The following CAMTA1 variants were observed in gnomAD, a reference collection of about 807,000 sequenced individuals.
CAMTA1 encodes the protein calmodulin-binding transcription activator 1.
CAMTA1 carries 27 observed loss-of-function variants against 170.9 expected under a neutral mutation model. The ratio of observed to expected loss-of-function variants is 0.16; its 90% CI spans 0.12 to 0.22. The LOEUF (loss-of-function observed/expected upper bound fraction) is 0.22, where lower values mean the gene tolerates loss of function less well. Among genes scored for constraint, CAMTA1 ranks in the 10% least tolerant of loss-of-function variants. CAMTA1 has a pLI of 1.00. For synonymous variants in CAMTA1, 833 were observed against 891.5 expected (o/e 0.93, Z 1.17); for missense variants, 1,619 against 2,217.2 (o/e 0.73, Z 5.42).
chr1:7,613,527 C>T (rs2095537682), intron 6 of CAMTA1, among the ~76,000 whole-genome samples: 1 of 152,156 alleles, frequency 6.6e-6, no homozygotes, highest in African/African-American at 2.4e-5. Flanking sequence ...AACCAGCCCC[C>T]TCCAGGACCT....
chr1:6,939,815 T>A (rs1686115795), intron 3 of CAMTA1, among the ~76,000 whole-genome samples: 1 of 152,268 alleles, frequency 6.6e-6, no homozygotes, highest in African/African-American at 2.4e-5. Flanking sequence ...GGCTTCTGCC[T>A]AGCATCTGTC....
intron 5 of CAMTA1, among the ~76,000 whole-genome samples, chr1:7,314,168 T>A (rs886453776): frequency 1.3e-5 from 2 of 152,362 alleles, no homozygotes; most frequent in Middle Eastern, 3.4e-3. Context: ...GGTCACTTGG[T>A]GCTGTTCTTC....
rs2096780544 is a variant in CAMTA1, at chr1:7,737,437, A to G, written c.3525A>G (p.Gly1175=). The G allele has an allele frequency of 6.2e-7, 1 of 1,614,036 alleles. No individual in the cohort carries two copies. The highest frequency in any genetic ancestry group is 1.3e-5 in the African/African-American group (1 of 74,924). Residue 1175 remains glycine (G), a synonymous_variant, in exon 15 of 23, where the codon GGA becomes GGG. Transcript: ENST00000303635. ...AGAGAGATGAGCAGGCTCAGCTGGG[A>G]CAGAACCCCAGAATCCACTGTCCTG... The part of the protein sequence containing the change: ...HLQRDEQAQL[G]QNPRIHCPAS...
chr1:7,676,755 T>A (rs2096124889), intron 10 of CAMTA1, among the ~76,000 whole-genome samples: 1 of 152,132 alleles, frequency 6.6e-6, no homozygotes, highest in Admixed American at 6.5e-5. Flanking sequence ...CACCCACCAT[T>A]GCCCACGGGC....
chr1:7,423,125 C>A (rs1183994190), intron 5 of CAMTA1, among the ~76,000 whole-genome samples: 1 of 152,236 alleles, frequency 6.6e-6, no homozygotes, highest in Non-Finnish European at 1.5e-5. Context: ...GCAGCCCTCA[C>A]AGCCCCAGGT....
chr1:7,391,254 C>T (rs2088678063), intron 5 of CAMTA1, among the ~76,000 whole-genome samples: 1 of 152,120 alleles, frequency 6.6e-6, no homozygotes, highest in Admixed American at 6.5e-5. Context: ...ACCTCGGCCT[C>T]CCAAAGTGCT....
At chr1:6,909,390 G>C (rs1679239493) in intron 3 of CAMTA1, among the ~76,000 whole-genome samples, 1 of 152,218 alleles carries the variant, frequency 6.6e-6, no homozygotes, top group Non-Finnish European at 1.5e-5. Context: ...ACAAAGAAGT[G>C]CTTCTGGCAT....
intron 3 of CAMTA1, among the ~76,000 whole-genome samples, chr1:6,855,139 T>C (rs1321795862): frequency 1.3e-5 from 2 of 152,128 alleles, no homozygotes; most frequent in Non-Finnish European, 1.5e-5. Context: ...AATAATAAGC[T>C]AGGTTGCAAG....
intron 5 of CAMTA1, among the ~76,000 whole-genome samples, chr1:7,275,861 A>G (rs1670514776): frequency 6.6e-6 from 1 of 152,132 alleles, no homozygotes; most frequent in Non-Finnish European, 1.5e-5. Flanking sequence ...ATTTTCAGAA[A>G]ATATAGGATG....
intron 1 of CAMTA1, among the ~76,000 whole-genome samples, chr1:6,795,683 G>A (rs938993871): frequency 4.6e-5 from 7 of 151,710 alleles, no homozygotes; most frequent in Non-Finnish European, 1.0e-4. Flanking sequence ...TTTCCTTTAC[G>A]AAATGACTTT....
Position 7,304,597 on chromosome 1 carries a change from C to CT in CAMTA1, c.438+54985dup, listed in dbSNP as rs71582093. ...TTATCAAAACATTGTGTTATCAAAG[C>CT]TTTTTTTTTTTTTTAGGTCTGACAT... On this transcript the variant is annotated intron_variant, in intron 5 of 22. Coordinates refer to ENST00000303635, the MANE Select transcript of CAMTA1 (RefSeq NM_015215.4). 2.3e-3 allele frequency among the ~76,000 whole-genome samples: 328 copies of CT among 141,938 alleles called. 1 individual carries two copies. Among genetic ancestry groups the CT allele is most frequent in the East Asian group, 0.016 (80 of 4,978 alleles). 93.1% of individuals were successfully genotyped at this position (141,938 alleles called of 152,430 possible). A position where few individuals can be genotyped will look rare whatever the true frequency, so the allele number is the denominator to read the frequency against.
At chr1:7,153,762 C>G (rs1229565761) in intron 4 of CAMTA1, among the ~76,000 whole-genome samples, 1 of 152,196 alleles carries the variant, frequency 6.6e-6, no homozygotes, top group Non-Finnish European at 1.5e-5. Flanking sequence ...TCTTGACCCT[C>G]TTTGTCTTTC....
intron 12 of CAMTA1, among the ~76,000 whole-genome samples, chr1:7,734,144 C>T (rs538178238): frequency 2.6e-5 from 4 of 152,030 alleles, no homozygotes; most frequent in Admixed American, 2.6e-4. Flanking sequence ...ACGGGGTTTC[C>T]CCACCTTGGT....
intron 3 of CAMTA1, among the ~76,000 whole-genome samples, chr1:7,001,240 A>G (rs1474903884): frequency 6.6e-6 from 1 of 152,184 alleles, no homozygotes; most frequent in East Asian, 1.9e-4. Context: ...AAACTCCAGG[A>G]GGATAGGAGT....
At position 7,443,012 on chromosome 1, in the gene CAMTA1, G is replaced by GAAC. The variant is rs2092586728; in HGVS notation, c.439-24816_439-24814dup. Among the ~76,000 whole-genome samples, 1 of 151,604 alleles carries GAAC rather than the reference G, an allele frequency of 6.6e-6. No homozygotes were observed. ...GGATGTCCTTTCCATCCCTGTCTTT[G>GAAC]AACACTTCTTCCTGCCTGTGGTCTC... On this transcript the variant is annotated intron_variant, in intron 5 of 22. Transcript: ENST00000303635. This position sits in a 1 kb window ranked among gnomAD's most constrained non-coding sequence, Gnocchi z 4.1.
intron 7 of CAMTA1, among the ~76,000 whole-genome samples, chr1:7,647,821 C>T (rs993793489): frequency 6.6e-6 from 1 of 152,212 alleles, no homozygotes; most frequent in East Asian, 1.9e-4. Flanking sequence ...TAGTGGCTTA[C>T]GCCTGTAATC....
intron 4 of CAMTA1, among the ~76,000 whole-genome samples, chr1:7,129,759 T>C (rs981591694): frequency 6.6e-6 from 1 of 152,220 alleles, no homozygotes; most frequent in African/African-American, 2.4e-5. Context: ...TTCATCACCC[T>C]AAAAGTTTCC....
intron 5 of CAMTA1, among the ~76,000 whole-genome samples, chr1:7,317,032 CA>C (rs1427845847): frequency 3.3e-5 from 5 of 152,198 alleles, no homozygotes; most frequent in Non-Finnish European, 5.9e-5. Flanking sequence ...AACAAACTAT[CA>C]AGATGTGGAC....
intron 1 of CAMTA1, among the ~76,000 whole-genome samples, chr1:6,818,987 C>T (rs1557621578): frequency 6.6e-6 from 1 of 151,952 alleles, no homozygotes; most frequent in Non-Finnish European, 1.5e-5. Context: ...TGTTCTGTTG[C>T]CCAGGCTGGA....
Sources: allele counts gnomAD v4.1 joint callset (sites outside exome capture counted in the v4.1 genomes callset), GRCh38; gene constraint gnomAD v4.1.1; non-coding constraint Gnocchi (gnomAD v3.1); transcripts MANE v1.5; gene names NCBI Gene and HGNC (gene_info 2026-07-23, HGNC 2026-07-21).